The following DMD variants were observed in gnomAD, a reference collection of about 807,000 sequenced individuals.
The protein encoded by DMD is dystrophin.
Under a neutral mutation model 330.1 loss-of-function variants are expected in DMD, and 63 were observed. That is an observed-to-expected ratio of 0.19 (90% CI 0.16 to 0.24). The LOEUF (loss-of-function observed/expected upper bound fraction) is 0.24. DMD is among the 10% of genes least tolerant of loss of function. DMD has a pLI of 1.00. For missense variants in DMD, 3,344 were observed against 2,684.1 expected (o/e 1.25, Z -5.43); for synonymous variants, 1,223 against 959.8 (o/e 1.27, Z -5.07).
intron 55 of DMD, among the ~76,000 whole-genome samples, chrX:31,543,824 A>G (rs970143696): frequency 9.0e-6 from 1 of 111,455 alleles, no homozygotes; most frequent in Non-Finnish European, 1.9e-5. Context: ...CAGTGAACCG[A>G]TAAGTATGTT....
At chrX:31,636,582 G>C (rs924402257) in intron 54 of DMD, among the ~76,000 whole-genome samples, 1 of 110,922 alleles carries the variant, frequency 9.0e-6, no homozygotes, top group Non-Finnish European at 1.9e-5. Context: ...GACAAATCTT[G>C]AAACAATCTA....
chrX:31,762,089 A>G (rs757914807), intron 51 of DMD, among the ~76,000 whole-genome samples: 29 of 112,620 alleles, frequency 2.6e-4, no homozygotes, highest in African/African-American at 9.0e-4. Context: ...GTCACGTGAC[A>G]CATTTCTGGT....
intron 44 of DMD, among the ~76,000 whole-genome samples, chrX:32,181,552 C>T (rs904342789): frequency 2.7e-5 from 3 of 111,532 alleles, no homozygotes; most frequent in African/African-American, 6.5e-5. Flanking sequence ...TTTTTATGAA[C>T]AACCCAGAAT....
At chrX:32,364,977 C>T (rs368402222) in intron 35 of DMD, 43 bp downstream of exon 35, 19 of 1,189,570 alleles carry the variant, frequency 1.6e-5, no homozygotes, top group African/African-American at 3.5e-5. Flanking sequence ...ATCTTTTTCT[C>T]GTGACAGAGA....
chrX:31,800,950 C>G (rs917220814), intron 50 of DMD, among the ~76,000 whole-genome samples: 2 of 111,359 alleles, frequency 1.8e-5, no homozygotes, highest in African/African-American at 3.3e-5. Context: ...TAGGAAGTTT[C>G]AAATTTTCCC....
chrX:32,606,678 T>G (rs13362977), intron 12 of DMD, among the ~76,000 whole-genome samples: 21,795 of 107,194 alleles, frequency 0.2, 5,388 homozygotes, highest in African/African-American at 0.68. Context: ...AATGATTGGA[T>G]AAAGAAAATG....
chrX:32,446,803 A>G (rs1257737475), intron 27 of DMD, among the ~76,000 whole-genome samples: 1 of 110,509 alleles, frequency 9.0e-6, no homozygotes, highest in Non-Finnish European at 1.9e-5. Flanking sequence ...AGAGAGGTAT[A>G]GAGAAATATT....
chrX:31,785,465 T>A (rs1017620001), intron 50 of DMD, among the ~76,000 whole-genome samples: 10 of 112,360 alleles, frequency 8.9e-5, no homozygotes, highest in African/African-American at 3.2e-4. Flanking sequence ...CCACATTTTT[T>A]AAATTATACT....
chrX:31,181,983 A>T (rs892321242), intron 68 of DMD, among the ~76,000 whole-genome samples: 1 of 112,319 alleles, frequency 8.9e-6, no homozygotes, highest in Non-Finnish European at 1.9e-5. Context: ...TTTAAAAAAA[A>T]ATCCTGTCTC....
chrX:32,938,868 T>C (rs953253852), intron 2 of DMD, among the ~76,000 whole-genome samples: 9 of 110,829 alleles, frequency 8.1e-5, no homozygotes, highest in Non-Finnish European at 1.3e-4. Flanking sequence ...TTTGTAATAA[T>C]TGGTTAAGTA....
intron 7 of DMD, among the ~76,000 whole-genome samples, chrX:32,805,775 C>T (rs140719060): frequency 0.026 from 2,889 of 111,770 alleles, 74 homozygotes; most frequent in African/African-American, 0.087. Context: ...AGAGTAGGGG[C>T]CAATATTCAA....
chrX:33,180,516 ATCT>A lies in DMD; in HGVS notation c.31+30763_31+30765del, dbSNP rs779671050. The stretch of plus-strand genomic sequence containing the variant: ...TCTTATTATGCCTGCTACCCATTTC[ATCT>A]TCTTCTTCACTGTTTGTCTTGTTGT... On this transcript the variant is annotated intron_variant, in intron 1 of 78. Transcript: ENST00000357033. Among the ~76,000 whole-genome samples, 124 of 110,945 alleles carry A rather than the reference ATCT, an allele frequency of 1.1e-3. 1 individual carries two copies. Among genetic ancestry groups the A allele is most frequent in the Admixed American group, 1.6e-3 (17 of 10,403 alleles).
chrX:32,771,266 T>A (rs1362234756), intron 7 of DMD, among the ~76,000 whole-genome samples: 1 of 111,953 alleles, frequency 8.9e-6, no homozygotes, highest in African/African-American at 3.2e-5. Flanking sequence ...TTTCTATAAT[T>A]TTGAAGCCAT....
chrX:32,190,369 G>C (rs1435963226), intron 44 of DMD, among the ~76,000 whole-genome samples: 1 of 108,259 alleles, frequency 9.2e-6, no homozygotes, highest in African/African-American at 3.4e-5. Flanking sequence ...CATATGTTTT[G>C]TGCAATGCTA....
At chrX:32,115,080 C>T (rs1413605445) in intron 44 of DMD, among the ~76,000 whole-genome samples, 1 of 111,974 alleles carries the variant, frequency 8.9e-6, no homozygotes, top group Non-Finnish European at 1.9e-5. Context: ...CTATAAATCA[C>T]AGAAGTTGCT....
chrX:32,387,816 T>A (rs1292535045), intron 32 of DMD, among the ~76,000 whole-genome samples: 1 of 111,751 alleles, frequency 8.9e-6, no homozygotes, highest in East Asian at 2.8e-4. Flanking sequence ...TTTTCTAAAT[T>A]ATTTACTCTC....
intron 7 of DMD, among the ~76,000 whole-genome samples, chrX:32,785,035 T>C (rs2075229291): frequency 9.1e-6 from 1 of 110,474 alleles, no homozygotes; most frequent in Non-Finnish European, 1.9e-5. Context: ...GGCACATAAC[T>C]TTAAAATGCT....
At chrX:33,119,164 T>C (rs1167525090) in intron 1 of DMD, among the ~76,000 whole-genome samples, 1 of 112,353 alleles carries the variant, frequency 8.9e-6, no homozygotes, top group Admixed American at 9.5e-5. Context: ...TTGAACACAT[T>C]GTATATATAA....
intron 74 of DMD, among the ~76,000 whole-genome samples, chrX:31,161,782 C>T (rs7883183): frequency 0.15 from 16,873 of 110,453 alleles, 2,475 homozygotes; most frequent in African/African-American, 0.45. Flanking sequence ...TTTCTCAATC[C>T]TCCCCCCCGT....
Sources: gnomAD v4.1 joint callset for allele counts (sites outside exome capture counted in the v4.1 genomes callset) on GRCh38, gnomAD v4.1.1 for gene constraint, MANE v1.5 for transcripts, NCBI Gene and HGNC (gene_info 2026-07-23, HGNC 2026-07-21) for gene names.